TBC1D31: variants seen among roughly 807,000 people sequenced by gnomAD.
TBC1D31 encodes the protein TBC1 domain family member 31.
In TBC1D31, 99 loss-of-function variants were observed where a neutral mutation model predicts 132.9. The observed-to-expected ratio is 0.74, with a 90% CI of 0.63 to 0.88. The LOEUF is 0.88. Ranked by LOEUF, TBC1D31 falls within the 40% of genes least tolerant of loss-of-function variation. The probability of loss-of-function intolerance (pLI) is 0.00; values close to 1 mark genes in which losing one functional copy is unlikely to be tolerated. For missense variants in TBC1D31, 1,134 were observed against 1,256.6 expected, an observed-to-expected ratio of 0.90 and a Z score of 1.48; for synonymous variants, 385 against 419.4, an observed-to-expected ratio of 0.92 and a Z score of 1.00.
rs373632078 is a variant in TBC1D31, at chr8:123,144,727, C to T, written c.2846C>T (p.Ala949Val). The stretch of plus-strand genomic sequence containing the variant: ...TTTATTTGAATTTAGTGGAAGGAAG[C>T]TGAAGGAAAAGAGTTCCGTTTGAGA... ...VEEEAKKWKE[A>V]EGKEFRLRSA... Residue 949 changes from alanine (A) to valine (V), a missense_variant, in exon 20 of 22, where the codon GCT (alanine) becomes GTT (valine). Physicochemically the swap from Ala to Val is moderately conservative, Grantham distance 64. Transcript: ENST00000287380. The T allele has an allele frequency of 1.1e-5, 18 of 1,603,420 alleles. No individual in the cohort carries two copies. The highest frequency in any genetic ancestry group is 1.8e-5 in the Admixed American group (1 of 56,766).
intron 17 of TBC1D31, among the ~76,000 whole-genome samples, chr8:123,138,858 G>A (rs1279024182): frequency 1.3e-5 from 2 of 152,150 alleles, no homozygotes; most frequent in Non-Finnish European, 2.9e-5. Context: ...CACCCAGGCT[G>A]GAGTGCAGTG....
At chr8:123,084,387 T>C in intron 4 of TBC1D31, 47 bp downstream of exon 4, 1 of 1,567,392 alleles carries the variant, frequency 6.4e-7, no homozygotes. Flanking sequence ...TCGGGCTAAT[T>C]TCTTGGTCAA....
At chr8:123,073,459 G>T in intron 1 of TBC1D31, 1 of 454,872 alleles carries the variant, frequency 2.2e-6, no homozygotes, top group South Asian at 1.6e-5. Context: ...CGTTCATTAT[G>T]CATTGCTGGG....
chr8:123,119,888 T>A (rs999144377), intron 10 of TBC1D31, among the ~76,000 whole-genome samples, 167 bp from the exon 11 acceptor site: 25 of 152,198 alleles, frequency 1.6e-4, no homozygotes, highest in Admixed American at 6.5e-4. Flanking sequence ...TGTGGTTTTT[T>A]AAGAAAGGAT....
intron 1 of TBC1D31, 148 bp downstream of exon 1, chr8:123,072,994 C>A (rs1814067248): frequency 1.3e-6 from 1 of 770,608 alleles, no homozygotes; most frequent in Admixed American, 2.4e-5. Context: ...ACAGATGGCT[C>A]CGGACGCCAG....
chr8:123,094,662 C>T (rs1816680380), intron 5 of TBC1D31, among the ~76,000 whole-genome samples: 1 of 152,088 alleles, frequency 6.6e-6, no homozygotes, highest in Non-Finnish European at 1.5e-5. Context: ...GCCTCAGCCT[C>T]CCAAGTAGCT....
chr8:123,081,028 A>G (rs1051169800), intron 2 of TBC1D31, among the ~76,000 whole-genome samples: 5 of 152,054 alleles, frequency 3.3e-5, no homozygotes, highest in African/African-American at 1.2e-4. Flanking sequence ...CTCCCTAAAA[A>G]TCTTCCTAAT....
At chr8:123,093,463 G>T in intron 4 of TBC1D31, 128 bp from the exon 5 acceptor site, 1 of 540,468 alleles carries the variant, frequency 1.9e-6, no homozygotes, top group Non-Finnish European at 3.0e-6. Context: ...TCATATATTA[G>T]AAATGTATTT....
At chr8:123,096,256 T>G (rs905293778) in intron 5 of TBC1D31, among the ~76,000 whole-genome samples, 1 of 151,494 alleles carries the variant, frequency 6.6e-6, no homozygotes, top group African/African-American at 2.4e-5. Context: ...GGCCTACGCC[T>G]CCCTCGCTTC....
At chr8:123,102,515 T>C in intron 7 of TBC1D31, 1 of 286,724 alleles carries the variant, frequency 3.5e-6, no homozygotes, top group Non-Finnish European at 6.8e-6. Flanking sequence ...CTCAGAAGAT[T>C]CTGATTTATA....
the TBC1D31 span, among the ~76,000 whole-genome samples, chr8:123,164,100 C>T: frequency 6.6e-6 from 1 of 152,332 alleles, no homozygotes; most frequent in Admixed American, 6.5e-5. Flanking sequence ...TTCAGGTAAG[C>T]ACGTCTTTTT....
At chr8:123,105,178 T>C in intron 7 of TBC1D31, 110 bp from the exon 8 acceptor site, 3 of 746,290 alleles carry the variant, frequency 4.0e-6, no homozygotes, top group Non-Finnish European at 5.6e-6. Context: ...TGAAGAATAA[T>C]TCTACATATT....
chr8:123,073,809 C>G (rs1046582142), intron 1 of TBC1D31, among the ~76,000 whole-genome samples: 16 of 151,864 alleles, frequency 1.1e-4, no homozygotes, highest in African/African-American at 3.9e-4. Context: ...CCTCAGCCTC[C>G]TAAGTAGCTG....
At chr8:123,105,224 C>T (rs1817809968) in intron 7 of TBC1D31, 64 bp from the exon 8 acceptor site, 5 of 1,222,872 alleles carry the variant, frequency 4.1e-6, no homozygotes, top group Non-Finnish European at 3.2e-6. Flanking sequence ...GAAAATCATA[C>T]ATTAACAGGC....
chr8:123,147,915 C>T (rs982065432), intron 20 of TBC1D31, among the ~76,000 whole-genome samples: 6 of 151,992 alleles, frequency 3.9e-5, no homozygotes, highest in Admixed American at 2.6e-4. Context: ...ATCACAAGGT[C>T]AGGAGTTTGA....
chr8:123,164,941 C>G, the TBC1D31 span, among the ~76,000 whole-genome samples: 6 of 152,184 alleles, frequency 3.9e-5, no homozygotes, highest in Non-Finnish European at 4.4e-5. Flanking sequence ...TAAGCTGGAC[C>G]TCTTTCCTTG....
At chr8:123,110,612 TC>T in intron 10 of TBC1D31, among the ~76,000 whole-genome samples, 1 of 152,122 alleles carries the variant, frequency 6.6e-6, no homozygotes, top group Non-Finnish European at 1.5e-5. Flanking sequence ...TCATAGCCAA[TC>T]ACGTTGGGTG....
chr8:123,073,391 C>T (rs1172377754), intron 1 of TBC1D31: 1 of 456,296 alleles, frequency 2.2e-6, no homozygotes. Context: ...GGCGATGGAA[C>T]AAAACACACT....
At chr8:123,125,205 A>T (rs537387167) in intron 11 of TBC1D31, among the ~76,000 whole-genome samples, 2 of 152,334 alleles carry the variant, frequency 1.3e-5, no homozygotes, top group South Asian at 2.1e-4. Flanking sequence ...AATTAAAAAA[A>T]TTTTAAAATT....
Sources: allele counts gnomAD v4.1 joint callset (sites outside exome capture counted in the v4.1 genomes callset), GRCh38; gene constraint gnomAD v4.1.1; transcripts MANE v1.5; gene names NCBI Gene and HGNC (gene_info 2026-07-23, HGNC 2026-07-21).